APOOL: variants seen among roughly 807,000 people sequenced by gnomAD.
APOOL encodes apolipoprotein O like, also known as MICOS complex subunit MIC27.
In APOOL, 12 loss-of-function variants were observed where a neutral mutation model predicts 23.1. That is an observed-to-expected ratio of 0.52 (90% CI 0.33 to 0.84). APOOL has a LOEUF of 0.84. APOOL is among the 40% of genes least tolerant of loss of function. APOOL has a pLI of 0.02. For missense variants in APOOL, 212 were observed against 199.6 expected (o/e 1.06, Z -0.37); for synonymous variants, 77 against 69.9 (o/e 1.10, Z -0.51).
chrX:85,051,182 G>T (rs186340538), intron 2 of APOOL, among the ~76,000 whole-genome samples: 18 of 111,312 alleles, frequency 1.6e-4, no homozygotes, highest in African/African-American at 5.5e-4. Flanking sequence ...ATTATATTTG[G>T]CATCTTTTAA....
chrX:85,051,631 T>A, intron 3 of APOOL, 123 bp downstream of exon 3: 1 of 905,968 alleles, frequency 1.1e-6, no homozygotes, highest in South Asian at 2.4e-5. Flanking sequence ...TTATATTACA[T>A]CTTATGATTT....
intron 8 of APOOL, among the ~76,000 whole-genome samples, chrX:85,079,533 A>G (rs1474124557): frequency 2.7e-5 from 3 of 110,706 alleles, no homozygotes; most frequent in Non-Finnish European, 5.6e-5. Flanking sequence ...TTCATCAGGA[A>G]TATTGGTCTA....
chrX:85,008,535 T>TTGTGTGTG (rs57105866), intron 1 of APOOL, among the ~76,000 whole-genome samples: 4,615 of 85,986 alleles, frequency 0.054, 141 homozygotes, highest in East Asian at 0.092. Flanking sequence ...TGATAACCCG[T>TTGTGTGTG]TGTGTGTGTG....
intron 1 of APOOL, among the ~76,000 whole-genome samples, chrX:85,015,863 C>T (rs974253235): frequency 1.8e-5 from 2 of 111,233 alleles, no homozygotes; most frequent in Non-Finnish European, 3.8e-5. Context: ...CCACCATGCC[C>T]GGCCCAGACT....
At position 85,084,940 on chromosome X, in the gene APOOL, C is replaced by T. The variant is rs765354361; in HGVS notation, c.719-2650C>T. ...ATATAGTGTTTTCTGCTTGATAAAA[C>T]TTGTTGCACACTTTTCACTTGTACT... On this transcript the variant is annotated intron_variant, in intron 8 of 8. Coordinates refer to ENST00000373173, the MANE Select transcript of APOOL (RefSeq NM_198450.6). 3.2e-3 allele frequency among the ~76,000 whole-genome samples: 352 copies of T among 110,938 alleles called. 1 individual carries two copies. The highest frequency in any genetic ancestry group is 5.1e-3 in the Non-Finnish European group (273 of 53,044).
chrX:85,030,102 A>G (rs376266364), intron 1 of APOOL, among the ~76,000 whole-genome samples: 1 of 112,117 alleles, frequency 8.9e-6, no homozygotes, highest in East Asian at 2.8e-4. Context: ...CATGGAACCA[A>G]CCTAAATGCC....
intron 1 of APOOL, among the ~76,000 whole-genome samples, chrX:85,046,116 A>C (rs752664305): frequency 1.7e-4 from 19 of 111,511 alleles, no homozygotes; most frequent in Non-Finnish European, 3.4e-4. Flanking sequence ...GACTGAATGA[A>C]TATCAAGACC....
chrX:85,082,285 T>G (rs922541638), intron 8 of APOOL, among the ~76,000 whole-genome samples: 1 of 111,621 alleles, frequency 9.0e-6, no homozygotes, highest in Admixed American at 9.6e-5. Context: ...GGTGTGGATG[T>G]CGTTTTTGTT....
At chrX:85,025,594 CT>C (rs1921812703) in intron 1 of APOOL, among the ~76,000 whole-genome samples, 2 of 112,499 alleles carry the variant, frequency 1.8e-5, no homozygotes, top group Admixed American at 1.9e-4. Context: ...TAAACATTCT[CT>C]TTCCAAAAGG....
rs1364634358 is a variant in APOOL at position 85,091,933 on chromosome X, G to T, written c.*4255G>T. On this transcript the variant is annotated 3_prime_UTR_variant, in exon 9 of 9. Coordinates refer to ENST00000373173, the MANE Select transcript of APOOL (RefSeq NM_198450.6). ...TTAAAAAAAAATGCTGAGCAGAGTT[G>T]CTTATGTCTGGGAGGCTGAAGTGGG... 1 of 114,056 alleles carries T rather than the reference G, an allele frequency of 8.8e-6. No homozygotes were observed. The highest frequency in any genetic ancestry group is 1.8e-5 in the Non-Finnish European group (1 of 55,125). The allele number at this position is 114,056 out of a possible 1,213,427, so 9.4% of individuals were successfully genotyped here. A position where few individuals can be genotyped will look rare whatever the true frequency, so the allele number is the denominator to read the frequency against.
chrX:85,035,162 G>C (rs1049785591), intron 1 of APOOL, among the ~76,000 whole-genome samples: 3 of 111,325 alleles, frequency 2.7e-5, no homozygotes, highest in Non-Finnish European at 5.7e-5. Context: ...TGACTGGTGT[G>C]AGATGGTATC....
At chrX:85,067,914 T>C (rs894370078) in intron 6 of APOOL, among the ~76,000 whole-genome samples, 2 of 111,205 alleles carry the variant, frequency 1.8e-5, no homozygotes, top group Non-Finnish European at 3.8e-5. Flanking sequence ...CCCCTCATGC[T>C]TGAAACAATG....
At chrX:85,005,258 C>T (rs903349395) in intron 1 of APOOL, among the ~76,000 whole-genome samples, 2 of 110,737 alleles carry the variant, frequency 1.8e-5, no homozygotes, top group Non-Finnish European at 3.8e-5. Flanking sequence ...ATTCTCCTGC[C>T]TCAGTCTCCT....
In APOOL at chrX:85,046,793, G is replaced by C. The variant is rs142968340; in HGVS notation, c.120+243G>C. ...CTTAATGAATAATCAATAAGTAGTGGAGGGTGTTAGACGTTCTAGGCAGTC... is the reference window on the plus strand; with the variant it reads ...CTTAATGAATAATCAATAAGTAGTGCAGGGTGTTAGACGTTCTAGGCAGTC... On this transcript the variant is annotated intron_variant, in intron 2 of 8. Coordinates refer to ENST00000373173, the MANE Select transcript of APOOL (RefSeq NM_198450.6). Among the ~76,000 whole-genome samples the C allele has an allele frequency of 6.0e-3, 667 of 111,626 alleles. 4 individuals are homozygous for C. Among genetic ancestry groups the C allele is most frequent in the African/African-American group, 0.021 (634 of 30,817 alleles).
chrX:85,015,415 A>G (rs1393283913), intron 1 of APOOL, among the ~76,000 whole-genome samples: 1 of 110,722 alleles, frequency 9.0e-6, no homozygotes, highest in Non-Finnish European at 1.9e-5. Flanking sequence ...TGTCATTACC[A>G]GAATTACTTT....
At chrX:85,087,169 A>G (rs1268140199) in intron 8 of APOOL, among the ~76,000 whole-genome samples, 1 of 110,105 alleles carries the variant, frequency 9.1e-6, no homozygotes, top group Non-Finnish European at 1.9e-5. Flanking sequence ...CCACCCCTAC[A>G]TACACCACAT....
chrX:85,025,891 A>C (rs912625740), intron 1 of APOOL, among the ~76,000 whole-genome samples: 67 of 112,452 alleles, frequency 6.0e-4, no homozygotes, highest in African/African-American at 2.2e-3. Context: ...TGGGGTCTGG[A>C]GGTTGGTATC....
chrX:85,068,974 A>G (rs1923567968), intron 6 of APOOL, among the ~76,000 whole-genome samples: 2 of 111,668 alleles, frequency 1.8e-5, no homozygotes, highest in South Asian at 7.4e-4. Context: ...ATTTTTTAAA[A>G]TAAAGTATTA....
chrX:85,003,983 T>C, intron 1 of APOOL, 56 bp downstream of exon 1: 1 of 1,193,843 alleles, frequency 8.4e-7, no homozygotes, highest in East Asian at 3.0e-5. Flanking sequence ...TCCCGGTAAC[T>C]GTAAAAGGGA....
Sources: allele counts gnomAD v4.1 joint callset (sites outside exome capture counted in the v4.1 genomes callset), GRCh38; gene constraint gnomAD v4.1.1; transcripts MANE v1.5; gene names NCBI Gene and HGNC (gene_info 2026-07-23, HGNC 2026-07-21).